Variants in CHD9 observed in about 807,000 individuals in gnomAD.
The protein encoded by CHD9 is chromodomain helicase DNA binding protein 9.
A neutral mutation model predicts 316.1 loss-of-function variants in CHD9; 77 were observed. The observed-to-expected ratio is 0.24, with a 90% CI of 0.20 to 0.29. CHD9 has a LOEUF of 0.29. Among genes scored for constraint, CHD9 ranks in the 10% least tolerant of loss-of-function variants. The pLI is 1.00. For synonymous variants in CHD9, 1,129 were observed against 1,158.3 expected (o/e 0.97, Z 0.51); for missense variants, 2,763 against 3,438.1 (o/e 0.80, Z 4.91).
At chr16:53,122,969 G>A (rs550635413) in intron 1 of CHD9, among the ~76,000 whole-genome samples, 3 of 149,780 alleles carry the variant, frequency 2.0e-5, no homozygotes, top group East Asian at 2.0e-4. Context: ...CACCCACCTC[G>A]GCCTCCCAAA....
intron 1 of CHD9, among the ~76,000 whole-genome samples, chr16:53,085,245 T>A (rs965036630): frequency 2.0e-5 from 3 of 151,900 alleles, no homozygotes; most frequent in Non-Finnish European, 2.9e-5. Context: ...TTTTTTTTTT[T>A]TTTTATTTTT....
intron 1 of CHD9, among the ~76,000 whole-genome samples, chr16:53,131,664 G>A (rs1434488135): frequency 6.6e-6 from 1 of 151,890 alleles, no homozygotes; most frequent in Non-Finnish European, 1.5e-5. Context: ...GGCCTCCCCC[G>A]GGTTGGGTTC....
rs367588836 is a variant in CHD9 at position 53,255,695 on chromosome 16, C to T, written c.4125C>T (p.Cys1375=). The part of the protein sequence containing the change: ...MEEEDEGSKF[C]EEDIDQILLR... ...AAGAAGATGAAGGCTCTAAATTCTG[C>T]GAAGAGGATATCGATCAGATTTTAC... is the stretch of plus-strand genomic sequence containing the variant. Residue 1375 remains cysteine (C), a synonymous_variant, in exon 19 of 39, where the codon TGC becomes TGT. Transcript: ENST00000447540. 3.2e-5 allele frequency: 52 copies of T among 1,613,562 alleles called. No individual in the cohort carries two copies. The highest frequency in any genetic ancestry group is 4.1e-5 in the Non-Finnish European group (48 of 1,179,710).
chr16:53,306,819 G>A (rs148678596), intron 32 of CHD9, among the ~76,000 whole-genome samples: 84 of 151,788 alleles, frequency 5.5e-4, no homozygotes, highest in Middle Eastern at 3.4e-3. Context: ...TCACTCTGTC[G>A]CCCAAGCTGG....
At chr16:53,178,432 T>C (rs1189569419) in intron 2 of CHD9, among the ~76,000 whole-genome samples, 5 of 135,360 alleles carry the variant, frequency 3.7e-5, no homozygotes, top group African/African-American at 6.5e-5. Flanking sequence ...GGTTTCTTTT[T>C]TTTTTTTTTT....
At chr16:53,273,542 A>G in intron 22 of CHD9, 84 bp from the exon 23 acceptor site, 1 of 1,029,664 alleles carries the variant, frequency 9.7e-7, no homozygotes, top group Middle Eastern at 2.2e-4. Flanking sequence ...GAAAGTCTCC[A>G]GAAATTTCTT....
At chr16:53,203,154 A>C (rs2152853775) in intron 2 of CHD9, among the ~76,000 whole-genome samples, 1 of 152,338 alleles carries the variant, frequency 6.6e-6, no homozygotes, top group East Asian at 1.9e-4. Context: ...TGAATATTTA[A>C]GTAAATAATT....
intron 2 of CHD9, among the ~76,000 whole-genome samples, chr16:53,167,432 T>G (rs1166491890): frequency 2.0e-5 from 3 of 152,186 alleles, no homozygotes; most frequent in Non-Finnish European, 4.4e-5. Context: ...TGTCCTACTT[T>G]CCTATTGTTC....
chr16:53,315,262 A>G (rs2056792745), intron 36 of CHD9, among the ~76,000 whole-genome samples: 1 of 152,200 alleles, frequency 6.6e-6, no homozygotes, highest in Non-Finnish European at 1.5e-5. Flanking sequence ...AATAATAAAA[A>G]TCACTTCCAA....
intron 30 of CHD9, 85 bp downstream of exon 30, chr16:53,297,243 T>G: frequency 1.0e-6 from 1 of 995,172 alleles, no homozygotes; most frequent in Non-Finnish European, 1.5e-6. Flanking sequence ...GTCTCTTTTA[T>G]GTGAAATTTC....
Position 53,180,113 on chromosome 16 carries a change from A to ACCTCAG in CHD9, c.1452+22583_1452+22588dup, listed in dbSNP as rs1375652022. Among the ~76,000 whole-genome samples, 13 of 142,710 alleles carry ACCTCAG rather than the reference A, an allele frequency of 9.1e-5. No individual in the cohort carries two copies. In the East Asian group the frequency reaches 2.5e-3, roughly 28 times the overall value. The allele number at this position is 142,710 out of a possible 152,430, so 93.6% of individuals were successfully genotyped here. Reference sequence around the variant, plus strand: ...GCCATCTCGGCTCACTGCAACCTCCACCTCAGCCTCAGCCTCCCGAGTAGC... The same window carrying ACCTCAG: ...GCCATCTCGGCTCACTGCAACCTCCACCTCAGCCTCAGCCTCAGCCTCCCGAGTAGC... On this transcript the variant is annotated intron_variant, in intron 2 of 38. Coordinates refer to ENST00000447540, the MANE Select transcript of CHD9 (RefSeq NM_001308319.2).
intron 1 of CHD9, among the ~76,000 whole-genome samples, chr16:53,103,581 G>A (rs2037074471): frequency 6.6e-6 from 1 of 152,182 alleles, no homozygotes; most frequent in South Asian, 2.1e-4. Context: ...ATTTTGCAGT[G>A]AGCAAACTGA....
chr16:53,217,500 C>G (rs2046855847), intron 3 of CHD9, among the ~76,000 whole-genome samples: 1 of 152,152 alleles, frequency 6.6e-6, no homozygotes. Flanking sequence ...GTGATCCTTT[C>G]TCCTCGGCTT....
At chr16:53,224,531 T>C (rs2047490970) in intron 4 of CHD9, among the ~76,000 whole-genome samples, 1 of 152,184 alleles carries the variant, frequency 6.6e-6, no homozygotes, top group Non-Finnish European at 1.5e-5. Context: ...GAGTGCACTT[T>C]TGTGAGCTTA....
Position 53,304,434 on chromosome 16 carries a change from GTTC to G in CHD9, c.6432_6434del (p.Ser2145del), listed in dbSNP as rs1201367226. On this transcript the variant is annotated inframe_deletion, in exon 31 of 39. Transcript: ENST00000447540. ...GACTCAGATTCTGAGAGATCATCTT[GTTC>G]TTCCAGATCATCTTCTTCCTCATCA... The G allele has an allele frequency of 6.3e-7, 1 of 1,593,996 alleles. No individual in the cohort carries two copies. The highest frequency in any genetic ancestry group is 1.3e-5 in the African/African-American group (1 of 74,476).
At chr16:53,230,565 A>G (rs1372588112) in intron 8 of CHD9, among the ~76,000 whole-genome samples, 3 of 152,200 alleles carry the variant, frequency 2.0e-5, no homozygotes, top group Admixed American at 1.3e-4. Flanking sequence ...AGAAGTTCCT[A>G]ATAAGCTGAA....
At chr16:53,232,954 G>A (rs1332286674) in intron 10 of CHD9, among the ~76,000 whole-genome samples, 1 of 152,074 alleles carries the variant, frequency 6.6e-6, no homozygotes, top group East Asian at 1.9e-4. Context: ...TGCTCTCAGG[G>A]TAACACAACA....
chr16:53,324,115 T>C lies in CHD9; in HGVS notation c.7914T>C (p.Ile2638=), dbSNP rs749026059. The C allele has an allele frequency of 3.1e-6, 5 of 1,613,858 alleles. No homozygotes were observed. In the South Asian group the frequency reaches 5.5e-5, roughly 18 times the overall value. ...SRRGRRPKSG[I]AKATAAAAAA... ...GGGGGAGACGGCCTAAAAGTGGAAT[T>C]GCAAAGGCCACAGCAGCAGCAGCTG... is the stretch of plus-strand genomic sequence containing the variant. Residue 2638 remains isoleucine, a synonymous_variant, in exon 39 of 39, where the codon ATT becomes ATC. Transcript: ENST00000447540.
intron 3 of CHD9, among the ~76,000 whole-genome samples, chr16:53,217,374 C>T (rs1479966661): frequency 6.6e-6 from 1 of 152,222 alleles, no homozygotes; most frequent in Non-Finnish European, 1.5e-5. Context: ...CTGCCTCAGC[C>T]TCCCAAGTAG....
Sources: allele counts gnomAD v4.1 joint callset (sites outside exome capture counted in the v4.1 genomes callset), GRCh38; gene constraint gnomAD v4.1.1; transcripts MANE v1.5; gene names NCBI Gene and HGNC (gene_info 2026-07-23, HGNC 2026-07-21).